CNTN1: variants seen among roughly 807,000 people sequenced by gnomAD.
The protein encoded by CNTN1 is contactin 1.
A neutral mutation model predicts 126.4 loss-of-function variants in CNTN1; 38 were observed. The ratio of observed to expected loss-of-function variants is 0.30; its 90% confidence interval spans 0.23 to 0.39. The LOEUF is 0.39. CNTN1 is among the 10% of genes least tolerant of loss of function. The probability of loss-of-function intolerance (pLI) is 1.00; values close to 1 mark genes in which losing one functional copy is unlikely to be tolerated. For missense variants in CNTN1, 1,009 were observed against 1,248.4 expected (o/e 0.81, Z 2.89); for synonymous variants, 413 against 422.6 (o/e 0.98, Z 0.28).
intron 1 of CNTN1, among the ~76,000 whole-genome samples, chr12:40,806,043 C>G (rs1940841880): frequency 6.6e-6 from 1 of 152,122 alleles, no homozygotes; most frequent in South Asian, 2.1e-4. Flanking sequence ...TGATATCTCT[C>G]TCCATGTTCT....
intron 4 of CNTN1, 107 bp downstream of exon 4, chr12:40,918,878 T>G: frequency 7.3e-7 from 1 of 1,365,988 alleles, no homozygotes; most frequent in Non-Finnish European, 1.0e-6. Flanking sequence ...GCAAATTCCA[T>G]GGACATTAAC....
intron 7 of CNTN1, among the ~76,000 whole-genome samples, chr12:40,931,048 G>C (rs10879368): frequency 0.14 from 20,468 of 151,538 alleles, 1,456 homozygotes; most frequent in African/African-American, 0.17. Context: ...TTCTCCCCTC[G>C]CTCAAGCTAA....
At chr12:40,964,558 G>A (rs976540579) in intron 15 of CNTN1, among the ~76,000 whole-genome samples, 5 of 151,486 alleles carry the variant, frequency 3.3e-5, no homozygotes, top group Non-Finnish European at 5.9e-5. Flanking sequence ...GTGTGTGTGT[G>A]TGCATGCAGC....
At chr12:40,916,593 G>C (rs1206187684) in intron 3 of CNTN1, among the ~76,000 whole-genome samples, 1 of 152,038 alleles carries the variant, frequency 6.6e-6, no homozygotes, top group Non-Finnish European at 1.5e-5. Flanking sequence ...TAGAAGTGAA[G>C]CAGAAAACAT....
intron 16 of CNTN1, among the ~76,000 whole-genome samples, chr12:40,989,920 A>C (rs975904322): frequency 1.3e-5 from 2 of 152,088 alleles, no homozygotes; most frequent in Admixed American, 6.6e-5. Context: ...GCTCAAGATA[A>C]GAGCTGGGAA....
At chr12:41,068,308 C>A (rs545873616) in intron 23 of CNTN1, among the ~76,000 whole-genome samples, 2 of 152,252 alleles carry the variant, frequency 1.3e-5, no homozygotes, top group South Asian at 2.1e-4. Flanking sequence ...AGTCTTGTAG[C>A]TGGCTGTAGG....
chr12:40,723,229 T>G (rs769175450), intron 1 of CNTN1, among the ~76,000 whole-genome samples: 1 of 152,220 alleles, frequency 6.6e-6, no homozygotes, highest in East Asian at 1.9e-4. Context: ...TTCCACATAA[T>G]TAATTCTTAG....
At chr12:40,758,844 A>G (rs1482652251) in intron 1 of CNTN1, among the ~76,000 whole-genome samples, 1 of 152,022 alleles carries the variant, frequency 6.6e-6, no homozygotes, top group Non-Finnish European at 1.5e-5. Flanking sequence ...CCTTCTTGTA[A>G]TGAAAGTACA....
chr12:40,753,917 A>G (rs967474335), intron 1 of CNTN1, among the ~76,000 whole-genome samples: 1 of 152,136 alleles, frequency 6.6e-6, no homozygotes. Flanking sequence ...ATAAGGATAT[A>G]TTATAATTTA....
chr12:40,960,551 C>T (rs1947069223), intron 15 of CNTN1, among the ~76,000 whole-genome samples: 1 of 152,048 alleles, frequency 6.6e-6, no homozygotes, highest in East Asian at 1.9e-4. Flanking sequence ...AACTCTTCTA[C>T]TCCATTTGAA....
At chr12:40,872,359 T>A (rs914779067) in intron 1 of CNTN1, among the ~76,000 whole-genome samples, 44 of 151,818 alleles carry the variant, frequency 2.9e-4, no homozygotes, top group Non-Finnish European at 5.9e-5. Context: ...ATATCAAGTA[T>A]CAAAATCATT....
chr12:41,041,029 C>G (rs1949392019), intron 23 of CNTN1, among the ~76,000 whole-genome samples: 1 of 144,622 alleles, frequency 6.9e-6, no homozygotes. Context: ...TTTGCCCATT[C>G]AGTATGATAT....
intron 1 of CNTN1, among the ~76,000 whole-genome samples, chr12:40,847,972 G>A (rs112642006): frequency 0.021 from 3,222 of 152,258 alleles, 108 homozygotes; most frequent in African/African-American, 0.073. Context: ...TAGAGTTTGC[G>A]CTCCTGTGAG....
intron 1 of CNTN1, among the ~76,000 whole-genome samples, chr12:40,843,634 T>C (rs1221160648): frequency 1.3e-5 from 2 of 152,194 alleles, no homozygotes; most frequent in Non-Finnish European, 1.5e-5. Flanking sequence ...TAAGAAAGTA[T>C]GTACAAAACT....
At chr12:41,034,289 G>A (rs1482558749) in intron 23 of CNTN1, among the ~76,000 whole-genome samples, 1 of 152,124 alleles carries the variant, frequency 6.6e-6, no homozygotes, top group Non-Finnish European at 1.5e-5. Context: ...AAGATATTAA[G>A]TTAAACTGTA....
At chr12:40,699,494 G>C in intron 1 of CNTN1, among the ~76,000 whole-genome samples, 1 of 152,010 alleles carries the variant, frequency 6.6e-6, no homozygotes, top group East Asian at 1.9e-4. Context: ...TGCTAAATCA[G>C]TCAATAAATA....
At chr12:41,008,985 GC>G (rs1234087739) in intron 17 of CNTN1, among the ~76,000 whole-genome samples, 1 of 152,196 alleles carries the variant, frequency 6.6e-6, no homozygotes, top group African/African-American at 2.4e-5. Flanking sequence ...GAGCACTTAT[GC>G]CTGGAGTGAG....
chr12:40,915,182 G>A (rs1592249873), intron 3 of CNTN1, among the ~76,000 whole-genome samples: 1 of 152,142 alleles, frequency 6.6e-6, no homozygotes, highest in East Asian at 1.9e-4. Flanking sequence ...ATTAAAATAT[G>A]AAAATCTACT....
intron 23 of CNTN1, among the ~76,000 whole-genome samples, chr12:41,030,215 G>T (rs1185516872): frequency 6.6e-6 from 1 of 151,808 alleles, no homozygotes; most frequent in Non-Finnish European, 1.5e-5. Flanking sequence ...TGAAAATTTG[G>T]TGATTTTGAT....
Sources: gnomAD v4.1 joint callset for allele counts (sites outside exome capture counted in the v4.1 genomes callset) on GRCh38, gnomAD v4.1.1 for gene constraint, MANE v1.5 for transcripts, NCBI Gene and HGNC (gene_info 2026-07-23, HGNC 2026-07-21) for gene names.